Variants in TTC6 observed in about 807,000 individuals in gnomAD.
TTC6 encodes the protein tetratricopeptide repeat protein 6.
A neutral mutation model predicts 210.4 loss-of-function variants in TTC6; 172 were observed. That is an observed-to-expected ratio of 0.82 (90% confidence interval 0.72 to 0.93). The LOEUF (loss-of-function observed/expected upper bound fraction) is 0.93, where lower values mean the gene tolerates loss of function less well. Ranked by LOEUF, TTC6 falls within the 40% of genes least tolerant of loss-of-function variation. TTC6 has a pLI of 0.00. For synonymous variants in TTC6, 804 were observed against 819.6 expected, an observed-to-expected ratio of 0.98 and a Z score of 0.32; for missense variants, 2,414 against 2,318.1, an observed-to-expected ratio of 1.04 and a Z score of -0.85.
intron 1 of TTC6, among the ~76,000 whole-genome samples, chr14:37,627,822 G>C (rs139028037): frequency 1.3e-5 from 2 of 152,142 alleles, no homozygotes; most frequent in Non-Finnish European, 2.9e-5. Context: ...TAATGGGATC[G>C]CTGGGTCAAA....
At chr14:37,739,262 A>C in intron 10 of TTC6, 107 bp downstream of exon 12, 1 of 1,146,078 alleles carries the variant, frequency 8.7e-7, no homozygotes, top group Non-Finnish European at 1.2e-6. Context: ...CACTGAACAT[A>C]TGAACCTTTC....
At chr14:37,739,191 T>C in intron 10 of TTC6, 36 bp downstream of exon 12, 1 of 1,449,250 alleles carries the variant, frequency 6.9e-7, no homozygotes. Context: ...GTTTAAGAAA[T>C]ATATTGTGGT....
At chr14:37,811,310 T>G (rs138990144) in intron 24 of TTC6, among the ~76,000 whole-genome samples, 1 of 152,334 alleles carries the variant, frequency 6.6e-6, no homozygotes, top group East Asian at 1.9e-4. Context: ...TGACAAATAC[T>G]ACTGATTTTT....
chr14:37,842,248 A>G (rs1188790094), exon 31 of TTC6: 1 of 1,608,548 alleles, frequency 6.2e-7, no homozygotes, highest in Non-Finnish European at 8.5e-7. Flanking sequence ...ATGGCTGACT[A>G]TAACCAAGCA....
chr14:37,755,425 T>C (rs1041256451), intron 14 of TTC6, among the ~76,000 whole-genome samples: 2 of 152,226 alleles, frequency 1.3e-5, no homozygotes, highest in Admixed American at 1.3e-4. Flanking sequence ...GCCATTGCTT[T>C]TGGTGTTTTA....
intron 2 of TTC6, among the ~76,000 whole-genome samples, chr14:37,608,699 C>T (rs1595002936): frequency 2.0e-5 from 3 of 152,276 alleles, no homozygotes; most frequent in African/African-American, 7.2e-5. Flanking sequence ...TATTTTATTT[C>T]CCAAGTATAT....
rs767826023 is a variant in TTC6 at position 37,826,171 on chromosome 14, C to T, written c.4975-24C>T. 2.2e-5 allele frequency: 35 copies of T among 1,575,280 alleles called. No homozygotes were observed. In the South Asian group the frequency reaches 2.7e-4, roughly 12 times the overall value. ...TCATGTTATGGAGTATTTCCTACTT[C>T]GTGTAATTGGAAAATTATTTTAGGC... is the stretch of plus-strand genomic sequence containing the variant. On this transcript the variant is annotated intron_variant, in intron 27 of 30. Transcript: ENST00000553443.
intron 1 of TTC6, among the ~76,000 whole-genome samples, chr14:37,647,135 T>C (rs1219505312): frequency 6.6e-6 from 1 of 152,190 alleles, no homozygotes; most frequent in African/African-American, 2.4e-5. Flanking sequence ...ACTAGTACTG[T>C]CCCTTCTGAG....
At chr14:37,752,925 A>G (rs1218208030) in intron 13 of TTC6, among the ~76,000 whole-genome samples, 174 bp from the exon 16 acceptor site, 1 of 152,100 alleles carries the variant, frequency 6.6e-6, no homozygotes, top group Admixed American at 6.6e-5. Context: ...TTGATGATGG[A>G]AAAAATCTCC....
chr14:37,748,239 TCTCCTAGTGTTCAGCA>T (rs2095941836), intron 10 of TTC6, among the ~76,000 whole-genome samples: 1 of 152,174 alleles, frequency 6.6e-6, no homozygotes, highest in African/African-American at 2.4e-5. Context: ...TTACTTTTGT[TCTCCTAGTGTTCAGCA>T]CTAGGTATTT....
chr14:37,710,482 A>G (rs1020898542), intron 5 of TTC6, among the ~76,000 whole-genome samples: 12 of 152,158 alleles, frequency 7.9e-5, no homozygotes, highest in African/African-American at 2.4e-4. Flanking sequence ...AGGAGGTTCA[A>G]CTTTCACTCT....
rs573576933 is a variant in TTC6, at chr14:37,733,511, C to G, written c.1819-2410C>G. Among the ~76,000 whole-genome samples the G allele has an allele frequency of 9.2e-5, 14 of 152,210 alleles. No homozygotes were observed. In the East Asian group the frequency reaches 2.5e-3, roughly 27 times the overall value. On this transcript the variant is annotated intron_variant, in intron 7 of 30. Coordinates refer to ENST00000553443, the Ensembl canonical transcript of TTC6. ...ATTTTATCTGAGTATAATATATTGGCAGATGTTTTAACAGAGTAATGATGT... is the reference window on the plus strand; with the variant it reads ...ATTTTATCTGAGTATAATATATTGGGAGATGTTTTAACAGAGTAATGATGT...
intron 17 of TTC6, among the ~76,000 whole-genome samples, chr14:37,793,288 T>C (rs995787848): frequency 6.6e-6 from 1 of 152,232 alleles, no homozygotes; most frequent in African/African-American, 2.4e-5. Context: ...ATTGCCTTTC[T>C]ACCTTTGTCT....
chr14:37,787,280 TA>T (rs1174090369), intron 14 of TTC6, among the ~76,000 whole-genome samples, 187 bp from the exon 17 acceptor site: 1 of 152,226 alleles, frequency 6.6e-6, no homozygotes, highest in African/African-American at 2.4e-5. Context: ...ATGTATACAA[TA>T]AAGTGTACTT....
chr14:37,696,554 G>T lies in TTC6; in HGVS notation c.1258-163G>T, dbSNP rs1459004515. 2.6e-5 allele frequency: 10 copies of T among 377,720 alleles called. No individual in the cohort carries two copies. The South Asian group carries it at 5.0e-4, about 19-fold the overall frequency. The allele number at this position is 377,720 out of a possible 1,614,324, so 23.4% of individuals were successfully genotyped here. A position where few individuals can be genotyped will look rare whatever the true frequency, so the allele number is the denominator to read the frequency against. On this transcript the variant is annotated intron_variant, in intron 3 of 30. Coordinates refer to ENST00000553443, the Ensembl canonical transcript of TTC6. The stretch of plus-strand genomic sequence containing the variant: ...TATATAGGTATATATGTAAAATTTA[G>T]GAATGGATTTAGAGGAAACTATCAA...
chr14:37,808,563 C>G (rs1037751971), intron 23 of TTC6, among the ~76,000 whole-genome samples, 170 bp from the exon 26 acceptor site: 1 of 152,114 alleles, frequency 6.6e-6, no homozygotes, highest in African/African-American at 2.4e-5. Context: ...AGGAGATTTT[C>G]TTAATTAACT....
At chr14:37,768,569 A>C (rs2096006897) in intron 14 of TTC6, among the ~76,000 whole-genome samples, 1 of 152,038 alleles carries the variant, frequency 6.6e-6, no homozygotes. Flanking sequence ...AGCAATTGTG[A>C]ATGGGAGTTC....
In TTC6 at chr14:37,598,337, G is replaced by A. The variant is rs2095608469; in HGVS notation, c.-235+2329G>A. Among the ~76,000 whole-genome samples, 1 of 152,156 alleles carries A rather than the reference G, an allele frequency of 6.6e-6. No homozygotes were observed. Among genetic ancestry groups the A allele is most frequent in the Admixed American group, 6.5e-5 (1 of 15,288 alleles). On this transcript the variant is annotated intron_variant, in intron 1 of 2. Coordinates refer to the TTC6 transcript ENST00000556845. This position sits in a 1 kb window ranked among gnomAD's most constrained non-coding sequence, Gnocchi z 4.9. Reference sequence around the variant, plus strand: ...TTAAGACGGGTCTGCGACAGCTTGGGGCGGTCCAGGTCGCGGGGAGGGCGG... The same window carrying A: ...TTAAGACGGGTCTGCGACAGCTTGGAGCGGTCCAGGTCGCGGGGAGGGCGG...
chr14:37,822,838 G>A (rs964766303), intron 26 of TTC6, among the ~76,000 whole-genome samples: 1 of 152,168 alleles, frequency 6.6e-6, no homozygotes, highest in Non-Finnish European at 1.5e-5. Context: ...GCCATTACCT[G>A]TGTGCAGACT....
Sources: allele counts gnomAD v4.1 joint callset (sites outside exome capture counted in the v4.1 genomes callset), GRCh38; gene constraint gnomAD v4.1.1; non-coding constraint Gnocchi (gnomAD v3.1); transcripts MANE v1.5; gene names NCBI Gene and HGNC (gene_info 2026-07-23, HGNC 2026-07-21).